MS4A4E: variants seen among roughly 807,000 people sequenced by gnomAD.
The protein encoded by MS4A4E is putative membrane-spanning 4-domains subfamily A member 4E.
In MS4A4E, 23 loss-of-function variants were observed where a neutral mutation model predicts 13.3. The ratio of observed to expected loss-of-function variants is 1.73; its 90% CI spans 1.25 to 2.45. The LOEUF (loss-of-function observed/expected upper bound fraction) is 2.45, where lower values mean the gene tolerates loss of function less well. MS4A4E is among the 30% of genes most tolerant of loss of function. The pLI, the probability that MS4A4E is intolerant of heterozygous loss-of-function variation, is 0.00. For synonymous variants in MS4A4E, 36 were observed against 45.6 expected, an observed-to-expected ratio of 0.79 and a Z score of 0.85; for missense variants, 144 against 131.2, an observed-to-expected ratio of 1.10 and a Z score of -0.48.
At chr11:60,220,857 GTTAC>G (rs769333682) in intron 3 of MS4A4E, among the ~76,000 whole-genome samples, 10 of 152,162 alleles carry the variant, frequency 6.6e-5, no homozygotes, top group Non-Finnish European at 2.9e-5. Context: ...ACCTGGGGGT[GTTAC>G]TTGGCCCATT....
Position 60,205,779 on chromosome 11 carries a change from G to A in MS4A4E, c.525C>T (p.Leu175=), listed in dbSNP as rs147398700. Reference sequence around the variant, plus strand: ...CATCATATTGCATCTGAATAGAAAGGAGGTAGCACATGAAAGTATTGCTTC... The same window carrying A: ...CATCATATTGCATCTGAATAGAAAGAAGGTAGCACATGAAAGTATTGCTTC... ...KIRSNTFMCY[L]LSIQMQYDGK... The change falls in exon 7 of 9, where the codon CTC becomes CTT. Residue 175 remains leucine, a synonymous_variant. Transcript: ENST00000651255. 2.7e-4 allele frequency among the ~76,000 whole-genome samples: 41 copies of A among 152,314 alleles called. 2 individuals are homozygous for A. The East Asian group carries it at 5.6e-3, about 21-fold the overall frequency.
chr11:60,221,113 C>A lies in MS4A4E; in HGVS notation c.179-6499G>T, dbSNP rs144815068. On this transcript the variant is annotated intron_variant, in intron 3 of 8. Transcript: ENST00000651255. ...TGGAGGAAGGCCCTGCCATCTTCTG[C>A]AGATAACTACTTTCCTTTTTAGAAA... 1.7e-4 allele frequency among the ~76,000 whole-genome samples: 26 copies of A among 152,302 alleles called. No individual in the cohort carries two copies. The East Asian group carries it at 3.7e-3, about 21-fold the overall frequency.
chr11:60,229,890 C>T, intron 2 of MS4A4E, 22 bp downstream of exon 2: 1 of 1,578,146 alleles, frequency 6.3e-7, no homozygotes, highest in Non-Finnish European at 8.6e-7. Flanking sequence ...TTGGTCTTCT[C>T]CCAGATTTGC....
At position 60,201,109 on chromosome 11, in the gene MS4A4E, C is replaced by T. The variant is rs1270556502; in HGVS notation, c.*434G>A. 7.4e-5 allele frequency: 6 copies of T among 81,068 alleles called. No homozygotes were observed. The highest frequency in any genetic ancestry group is 4.1e-4 in the South Asian group (1 of 2,436). The allele number at this position is 81,068 out of a possible 1,614,324, so 5.0% of individuals were successfully genotyped here. A position where few individuals can be genotyped will look rare whatever the true frequency, so the allele number is the denominator to read the frequency against. ...CTCCCGGACGGGGCGGCTGGCCGGGCGGGGTCTGACCCCCCCACCTCCCTC... is the reference window on the plus strand; with the variant it reads ...CTCCCGGACGGGGCGGCTGGCCGGGTGGGGTCTGACCCCCCCACCTCCCTC... On this transcript the variant is annotated 3_prime_UTR_variant, in exon 9 of 9. Transcript: ENST00000651255.
At chr11:60,205,389 T>C (rs1369875505) in intron 7 of MS4A4E, among the ~76,000 whole-genome samples, 1 of 152,206 alleles carries the variant, frequency 6.6e-6, no homozygotes, top group Non-Finnish European at 1.5e-5. Flanking sequence ...GTCTGCCCCA[T>C]TGTAGATACT....
rs1472902883 is a variant in MS4A4E, at chr11:60,213,012, A to T, written c.343T>A (p.Leu115Met). Residue 115 changes from leucine to methionine, a missense_variant, in exon 5 of 9, where the codon TTG (leucine) becomes ATG (methionine). Leu to Met is a conservative substitution (Grantham distance 15). Coordinates refer to ENST00000651255, the MANE Select transcript of MS4A4E (RefSeq NM_001393391.1). ...ATAGTCATGTAACAATTACTTGACA[A>T]CTGATCGTGGTTACAGTAATGGTAA... ...FRYHYCNHDQLSSNCYMTMSI... is the reference protein window; with the variant it reads ...FRYHYCNHDQMSSNCYMTMSI... 3 of 384,754 alleles carry T rather than the reference A, an allele frequency of 7.8e-6. No homozygotes were observed. In the East Asian group the frequency reaches 1.3e-4, roughly 16 times the overall value. The allele number at this position is 384,754 out of a possible 1,614,324, so 23.8% of individuals were successfully genotyped here.
intron 2 of MS4A4E, among the ~76,000 whole-genome samples, chr11:60,229,473 A>G (rs1307507274): frequency 6.6e-6 from 1 of 152,052 alleles, no homozygotes; most frequent in Non-Finnish European, 1.5e-5. Flanking sequence ...TTCGCCTGAG[A>G]CTCCAGAAGG....
At chr11:60,230,189 A>G (rs1277272050) in intron 1 of MS4A4E, 118 bp from the exon 2 acceptor site, 1 of 1,155,722 alleles carries the variant, frequency 8.7e-7, no homozygotes, top group Non-Finnish European at 1.2e-6. Context: ...CTCCAATATT[A>G]TAACAGTTGT....
intron 1 of MS4A4E, among the ~76,000 whole-genome samples, chr11:60,232,284 A>AACACACACAC (rs3221531): frequency 0.016 from 2,111 of 130,208 alleles, 38 homozygotes; most frequent in African/African-American, 0.023. Context: ...CATCGCCATC[A>AACACACACAC]ACACACACAC....
At chr11:60,228,460 T>G in intron 3 of MS4A4E, 134 bp downstream of exon 3, 1 of 506,644 alleles carries the variant, frequency 2.0e-6, no homozygotes, top group South Asian at 3.7e-5. Flanking sequence ...TGCTAGCAAT[T>G]ATGTAGAACA....
intron 1 of MS4A4E, among the ~76,000 whole-genome samples, chr11:60,237,212 C>T (rs1410557373): frequency 6.6e-6 from 1 of 152,128 alleles, no homozygotes; most frequent in Non-Finnish European, 1.5e-5. Context: ...GTTTTCTGTT[C>T]CTGTGTTAGT....
chr11:60,209,479 A>T (rs1590705983), intron 5 of MS4A4E, among the ~76,000 whole-genome samples: 1 of 152,170 alleles, frequency 6.6e-6, no homozygotes, highest in East Asian at 1.9e-4. Context: ...AGTGAGACCC[A>T]CTTTGAACTT....
chr11:60,233,164 A>G (rs2084434596), intron 1 of MS4A4E, among the ~76,000 whole-genome samples: 1 of 152,130 alleles, frequency 6.6e-6, no homozygotes, highest in Non-Finnish European at 1.5e-5. Flanking sequence ...GTCATTCCTG[A>G]GGCCTTGCTG....
intron 3 of MS4A4E, among the ~76,000 whole-genome samples, chr11:60,215,967 G>T (rs1480945826): frequency 1.3e-5 from 2 of 152,010 alleles, no homozygotes; most frequent in African/African-American, 2.4e-5. Flanking sequence ...ATATGTATAT[G>T]GTATCTCAGA....
intron 1 of MS4A4E, among the ~76,000 whole-genome samples, chr11:60,242,712 G>A (rs1288285476): frequency 2.0e-5 from 3 of 152,228 alleles, no homozygotes. Context: ...CCAGCCTCCA[G>A]TGTCAGCCTT....
intron 8 of MS4A4E, among the ~76,000 whole-genome samples, chr11:60,202,116 A>G (rs1296731881): frequency 6.6e-6 from 1 of 152,218 alleles, no homozygotes; most frequent in Non-Finnish European, 1.5e-5. Context: ...TTCTTGGCCT[A>G]ACTTCAACCC....
At chr11:60,204,152 A>G (rs763600025) in intron 8 of MS4A4E, among the ~76,000 whole-genome samples, 1 of 152,248 alleles carries the variant, frequency 6.6e-6, no homozygotes, top group African/African-American at 2.4e-5. Context: ...TACAAAATCC[A>G]AGACAGAACA....
At chr11:60,216,122 A>G (rs1381540151) in intron 3 of MS4A4E, among the ~76,000 whole-genome samples, 1 of 152,058 alleles carries the variant, frequency 6.6e-6, no homozygotes, top group Non-Finnish European at 1.5e-5. Flanking sequence ...TGATGTTCGG[A>G]AAAAAAGGTT....
chr11:60,213,239 TA>T, intron 4 of MS4A4E, 107 bp from the exon 5 acceptor site: 1 of 1,507,362 alleles, frequency 6.6e-7, no homozygotes, highest in Non-Finnish European at 8.9e-7. Context: ...AATAGTCTTC[TA>T]ACTTGTCTCC....
Sources: allele counts gnomAD v4.1 joint callset (sites outside exome capture counted in the v4.1 genomes callset), GRCh38; gene constraint gnomAD v4.1.1; transcripts MANE v1.5; gene names NCBI Gene and HGNC (gene_info 2026-07-23, HGNC 2026-07-21).